The following NRXN3 variants were observed in gnomAD, a reference collection of about 807,000 sequenced individuals.
NRXN3 encodes neurexin III.
NRXN3 carries 32 observed loss-of-function variants against 137.6 expected under a neutral mutation model. That is an observed-to-expected ratio of 0.23 (90% CI 0.18 to 0.31). NRXN3 has a LOEUF of 0.31. Among genes scored for constraint, NRXN3 ranks in the 10% least tolerant of loss-of-function variants. The pLI, the probability that NRXN3 is intolerant of heterozygous loss-of-function variation, is 1.00. For missense variants in NRXN3, 1,574 were observed against 2,062.5 expected (o/e 0.76, Z 4.59); for synonymous variants, 798 against 784.5 (o/e 1.02, Z -0.29).
intron 20 of NRXN3, among the ~76,000 whole-genome samples, chr14:79,808,376 A>C (rs1329215916): frequency 6.6e-6 from 1 of 151,984 alleles, no homozygotes; most frequent in Non-Finnish European, 1.5e-5. Flanking sequence ...CTGCCTAAAG[A>C]GAAGGGACCT....
At chr14:79,156,606 G>T (rs2060276493) in intron 15 of NRXN3, among the ~76,000 whole-genome samples, 1 of 151,024 alleles carries the variant, frequency 6.6e-6, no homozygotes, top group African/African-American at 2.4e-5. Flanking sequence ...CTAGTGTATT[G>T]CTTTACTTCC....
chr14:79,245,219 C>T (rs150397968), intron 15 of NRXN3, among the ~76,000 whole-genome samples: 3 of 152,282 alleles, frequency 2.0e-5, no homozygotes, highest in East Asian at 1.9e-4. Flanking sequence ...AGCACTGCTG[C>T]CCCTGAACAG....
chr14:78,723,299 A>T (rs966130079), intron 8 of NRXN3, among the ~76,000 whole-genome samples: 11 of 152,248 alleles, frequency 7.2e-5, no homozygotes, highest in African/African-American at 2.7e-4. Context: ...CTCCCTGAAG[A>T]AACAAGAGTG....
intron 4 of NRXN3, among the ~76,000 whole-genome samples, chr14:78,477,035 T>C (rs1017016708): frequency 2.0e-5 from 3 of 152,240 alleles, no homozygotes; most frequent in African/African-American, 7.2e-5. Flanking sequence ...TGCAATCTCT[T>C]TAACCCCTGT....
At chr14:78,291,804 A>G (rs564777723) in intron 3 of NRXN3, among the ~76,000 whole-genome samples, 1 of 152,382 alleles carries the variant, frequency 6.6e-6, no homozygotes, top group South Asian at 2.1e-4. Context: ...TCGCTATGAA[A>G]AAAAGAGATG....
chr14:79,748,764 C>T (rs1277425199), intron 19 of NRXN3, among the ~76,000 whole-genome samples: 2 of 152,056 alleles, frequency 1.3e-5, no homozygotes, highest in Non-Finnish European at 2.9e-5. Flanking sequence ...TCTCTCTCCC[C>T]TTCTTTTGCC....
At chr14:79,580,754 T>C (rs1437798323) in intron 16 of NRXN3, among the ~76,000 whole-genome samples, 1 of 151,972 alleles carries the variant, frequency 6.6e-6, no homozygotes, top group Non-Finnish European at 1.5e-5. Flanking sequence ...TAAAAAAAAG[T>C]CTCCTGATGC....
chr14:79,803,910 T>C (rs986960527), intron 19 of NRXN3, among the ~76,000 whole-genome samples: 4 of 139,920 alleles, frequency 2.9e-5, no homozygotes, highest in African/African-American at 1.1e-4. Context: ...TATATATATA[T>C]ATGTATATAT....
rs150081461 is a variant in NRXN3, at chr14:78,930,044, A to T, written c.2276-27198A>T. Among the ~76,000 whole-genome samples, 748 of 152,298 alleles carry T rather than the reference A, an allele frequency of 4.9e-3. 2 individuals are homozygous for T. The highest frequency in any genetic ancestry group is 0.017 in the African/African-American group (699 of 41,568). On this transcript the variant is annotated intron_variant, in intron 10 of 20. Coordinates refer to ENST00000335750, the MANE Select transcript of NRXN3 (RefSeq NM_001330195.2). ...CCTACCTTAAAACTTCTTTAAATAGATGGCATGAACAGCTGTAGATAACTG... is the reference window on the plus strand; with the variant it reads ...CCTACCTTAAAACTTCTTTAAATAGTTGGCATGAACAGCTGTAGATAACTG...
intron 10 of NRXN3, among the ~76,000 whole-genome samples, chr14:78,925,249 G>T (rs756828303): frequency 2.0e-5 from 3 of 152,138 alleles, no homozygotes; most frequent in Non-Finnish European, 4.4e-5. Context: ...AGCAGAAAAA[G>T]CTACAAAATG....
chr14:78,574,886 G>A (rs1480577387), intron 4 of NRXN3, among the ~76,000 whole-genome samples: 1 of 152,146 alleles, frequency 6.6e-6, no homozygotes, highest in Non-Finnish European at 1.5e-5. Flanking sequence ...GTGAGATTTG[G>A]GAGGAGCCAG....
chr14:78,454,274 C>A (rs1380397875), intron 4 of NRXN3, among the ~76,000 whole-genome samples: 3 of 151,820 alleles, frequency 2.0e-5, no homozygotes, highest in African/African-American at 7.3e-5. Flanking sequence ...CAACCTTCAC[C>A]ATACTCTAGC....
At chr14:78,844,076 C>G (rs1288553082) in intron 10 of NRXN3, among the ~76,000 whole-genome samples, 1 of 152,072 alleles carries the variant, frequency 6.6e-6, no homozygotes, top group Non-Finnish European at 1.5e-5. Flanking sequence ...TTTAGTCCCT[C>G]CAGAGGCTCT....
In NRXN3 at chr14:78,270,796, GT is replaced by G. The variant is rs1193792145; in HGVS notation, c.710-7845del. 4.6e-5 allele frequency among the ~76,000 whole-genome samples: 7 copies of G among 152,324 alleles called. 2 individuals are homozygous for G. In the Middle Eastern group the frequency reaches 0.02, roughly 444 times the overall value. On this transcript the variant is annotated intron_variant, in intron 2 of 20. Transcript: ENST00000335750. ...GACAATCAGTTCTGTTACAACACTT[GT>G]TTTGAAAATGCAAATTTGTTCTAAT...
chr14:78,386,088 A>G (rs979914994), intron 4 of NRXN3, among the ~76,000 whole-genome samples: 4 of 151,990 alleles, frequency 2.6e-5, no homozygotes, highest in African/African-American at 9.7e-5. Context: ...TCAGTATCTG[A>G]CTGTCTCCTT....
intron 4 of NRXN3, among the ~76,000 whole-genome samples, chr14:78,319,522 C>T (rs538625674): frequency 1.3e-5 from 2 of 152,286 alleles, no homozygotes; most frequent in South Asian, 2.1e-4. Context: ...TTGTAAGTTG[C>T]TTGTAATTAT....
At chr14:79,320,037 A>G (rs561331188) in intron 15 of NRXN3, among the ~76,000 whole-genome samples, 48 of 152,312 alleles carry the variant, frequency 3.2e-4, no homozygotes, top group African/African-American at 1.2e-3. Flanking sequence ...GGATAATAAT[A>G]TAAAATTACA....
intron 15 of NRXN3, among the ~76,000 whole-genome samples, chr14:79,346,900 C>T (rs2092915519): frequency 6.6e-6 from 1 of 152,150 alleles, no homozygotes; most frequent in African/African-American, 2.4e-5. Flanking sequence ...ACCCCAGGCT[C>T]AATGTCTTAA....
chr14:79,609,253 C>T (rs1445163260), intron 16 of NRXN3, among the ~76,000 whole-genome samples: 1 of 152,160 alleles, frequency 6.6e-6, no homozygotes, highest in African/African-American at 2.4e-5. Flanking sequence ...TCAGTCTACA[C>T]TCTAAACCAG....
Sources: gnomAD v4.1 joint callset for allele counts (sites outside exome capture counted in the v4.1 genomes callset) on GRCh38, gnomAD v4.1.1 for gene constraint, MANE v1.5 for transcripts, NCBI Gene and HGNC (gene_info 2026-07-23, HGNC 2026-07-21) for gene names.